DCLK1: variants seen among roughly 807,000 people sequenced by gnomAD.
The protein encoded by DCLK1 is serine/threonine-protein kinase DCLK1.
Under a neutral mutation model 86.2 loss-of-function variants are expected in DCLK1, and 16 were observed. The ratio of observed to expected loss-of-function variants is 0.19; its 90% CI spans 0.13 to 0.28. The LOEUF (loss-of-function observed/expected upper bound fraction) is 0.28. Ranked by LOEUF, DCLK1 falls within the 10% of genes least tolerant of loss-of-function variation. The pLI, the probability that DCLK1 is intolerant of heterozygous loss-of-function variation, is 1.00. For synonymous variants in DCLK1, 369 were observed against 370.5 expected, an observed-to-expected ratio of 1.00 and a Z score of 0.05; for missense variants, 590 against 940.2, an observed-to-expected ratio of 0.63 and a Z score of 4.87.
In DCLK1 at chr13:35,822,871, C is replaced by G. The variant is rs2153105014; in HGVS notation, c.1412G>C (p.Gly471Ala). The change falls in exon 11 of 17, where the codon GGA becomes GCA. Residue 471 changes from glycine (G) to alanine (A), a missense_variant. By Grantham distance (60) the Gly-to-Ala change is moderately conservative. Transcript: ENST00000360631. ...GGAAGTAATGGCATCAAAAAGGTCT[C>G]CCCCCTGAGAAGAGAACAGAAGCTG... ...LYLVMELVKG[G>A]DLFDAITSTN... is the part of the protein sequence containing the mutation. 1.2e-6 allele frequency: 2 copies of G among 1,613,704 alleles called. No individual in the cohort carries two copies. The highest frequency in any genetic ancestry group is 2.2e-5 in the East Asian group (1 of 44,840).
chr13:35,799,815 G>A (rs536104400), intron 15 of DCLK1, among the ~76,000 whole-genome samples: 5 of 152,102 alleles, frequency 3.3e-5, no homozygotes, highest in East Asian at 3.9e-4. Context: ...TCAATAAACC[G>A]TCATTTGTGG....
intron 4 of DCLK1, among the ~76,000 whole-genome samples, chr13:35,937,880 T>C (rs970714627): frequency 3.9e-5 from 6 of 152,052 alleles, no homozygotes; most frequent in African/African-American, 1.4e-4. Context: ...AGAAAGGCAA[T>C]GTGGTTTGGT....
At chr13:36,106,051 G>GC (rs1418919103) in intron 3 of DCLK1, among the ~76,000 whole-genome samples, 1 of 152,174 alleles carries the variant, frequency 6.6e-6, no homozygotes. Flanking sequence ...CTTCAGTACA[G>GC]CAGTGGAACA....
chr13:36,047,718 C>T (rs945576726), intron 3 of DCLK1, among the ~76,000 whole-genome samples: 12 of 151,820 alleles, frequency 7.9e-5, no homozygotes, highest in Admixed American at 4.6e-4. Flanking sequence ...TTAAAAGATA[C>T]AAAATTTCAG....
chr13:35,948,864 G>A (rs1208959364), intron 3 of DCLK1, among the ~76,000 whole-genome samples: 2 of 152,166 alleles, frequency 1.3e-5, no homozygotes, highest in Non-Finnish European at 2.9e-5. Context: ...GATGTCAGAA[G>A]CTCTGATATT....
At chr13:35,973,609 G>A (rs908307282) in intron 3 of DCLK1, among the ~76,000 whole-genome samples, 4 of 152,144 alleles carry the variant, frequency 2.6e-5, no homozygotes, top group African/African-American at 9.7e-5. Context: ...GCAAAAAGAA[G>A]GTGCTCAACA....
At chr13:35,816,945 T>C (rs903050436) in intron 11 of DCLK1, among the ~76,000 whole-genome samples, 3 of 152,350 alleles carry the variant, frequency 2.0e-5, no homozygotes, top group Admixed American at 1.3e-4. Context: ...TATTGAAGGT[T>C]TTGGTTATAT....
chr13:36,005,591 A>G (rs1880912703), intron 3 of DCLK1, among the ~76,000 whole-genome samples: 1 of 152,214 alleles, frequency 6.6e-6, no homozygotes. Flanking sequence ...AACACTAGAA[A>G]AGGGTGCAGG....
chr13:36,040,820 T>C (rs1882678164), intron 3 of DCLK1, among the ~76,000 whole-genome samples: 1 of 152,194 alleles, frequency 6.6e-6, no homozygotes, highest in Non-Finnish European at 1.5e-5. Context: ...CTTTGGGTTA[T>C]AATCCAAGGC....
intron 16 of DCLK1, among the ~76,000 whole-genome samples, chr13:35,780,566 G>T (rs929930014): frequency 6.6e-6 from 1 of 152,212 alleles, no homozygotes; most frequent in Non-Finnish European, 1.5e-5. Context: ...TGACTGCCAT[G>T]CTGGGTACTG....
At chr13:36,084,364 G>C (rs999347280) in intron 3 of DCLK1, among the ~76,000 whole-genome samples, 4 of 152,138 alleles carry the variant, frequency 2.6e-5, no homozygotes, top group African/African-American at 9.7e-5. Flanking sequence ...AATGACTGAC[G>C]TACAATCACC....
Position 35,771,034 on chromosome 13 carries a change from G to A in DCLK1, c.*3501C>T, listed in dbSNP as rs1011319986. 2.0e-5 allele frequency: 3 copies of A among 152,160 alleles called. No homozygotes were observed. Among genetic ancestry groups the A allele is most frequent in the Admixed American group, 2.0e-4 (3 of 15,270 alleles). 9.4% of individuals were successfully genotyped at this position (152,160 alleles called of 1,614,324 possible). On this transcript the variant is annotated 3_prime_UTR_variant, in exon 17 of 17. Transcript: ENST00000360631. ...AGAGCAACACAGTAATATTAAGAAA[G>A]CTCTCCCTCAGCACGATTGAGCTTC...
At chr13:35,989,630 A>T (rs1048404799) in intron 3 of DCLK1, among the ~76,000 whole-genome samples, 1 of 150,762 alleles carries the variant, frequency 6.6e-6, no homozygotes, top group African/African-American at 2.4e-5. Flanking sequence ...GTAGCCTCGA[A>T]CTCCTAGAGT....
At chr13:35,815,287 G>C (rs1249538807) in intron 11 of DCLK1, among the ~76,000 whole-genome samples, 2 of 152,114 alleles carry the variant, frequency 1.3e-5, no homozygotes, top group Admixed American at 6.6e-5. Flanking sequence ...TTAATATATA[G>C]TCATAAAATG....
At chr13:35,909,682 C>T (rs1874898184) in intron 4 of DCLK1, among the ~76,000 whole-genome samples, 1 of 150,232 alleles carries the variant, frequency 6.7e-6, no homozygotes, top group African/African-American at 2.5e-5. Flanking sequence ...TTAATTTATG[C>T]ATTCATAGGA....
intron 16 of DCLK1, among the ~76,000 whole-genome samples, chr13:35,783,377 T>G (rs552215221): frequency 4.6e-5 from 7 of 152,244 alleles, no homozygotes; most frequent in African/African-American, 1.7e-4. Context: ...CACAAGCAGC[T>G]AATTTAATTC....
chr13:36,017,971 TG>T (rs1461921399), intron 3 of DCLK1, among the ~76,000 whole-genome samples: 1 of 152,214 alleles, frequency 6.6e-6, no homozygotes, highest in African/African-American at 2.4e-5. Flanking sequence ...CAGTTCTAGA[TG>T]ATGGCAATTT....
chr13:35,875,183 T>C (rs1872525180), intron 4 of DCLK1, among the ~76,000 whole-genome samples: 1 of 152,244 alleles, frequency 6.6e-6, no homozygotes, highest in South Asian at 2.1e-4. Context: ...TTTCTCATTT[T>C]AAATAAAAAT....
intron 3 of DCLK1, among the ~76,000 whole-genome samples, chr13:36,082,650 C>T (rs950597322): frequency 2.0e-5 from 3 of 152,176 alleles, no homozygotes; most frequent in Non-Finnish European, 4.4e-5. Flanking sequence ...CCAACATCAG[C>T]TGAAAAGATA....
Sources: gnomAD v4.1 joint callset for allele counts (sites outside exome capture counted in the v4.1 genomes callset) on GRCh38, gnomAD v4.1.1 for gene constraint, MANE v1.5 for transcripts, NCBI Gene and HGNC (gene_info 2026-07-23, HGNC 2026-07-21) for gene names.